The following WASHC3 variants were observed in gnomAD, a reference collection of about 807,000 sequenced individuals.
WASHC3 encodes the protein WASH complex subunit CCDC53.
WASHC3 carries 24 observed loss-of-function variants against 26.1 expected under a neutral mutation model. The observed-to-expected ratio is 0.92, with a 90% CI of 0.66 to 1.29. The LOEUF (loss-of-function observed/expected upper bound fraction) is 1.29. Ranked by LOEUF, WASHC3 falls within the 50% of genes most tolerant of loss-of-function variation. The probability of loss-of-function intolerance (pLI) is 0.00; values close to 1 mark genes in which losing one functional copy is unlikely to be tolerated. For missense variants in WASHC3, 214 were observed against 229.6 expected, an observed-to-expected ratio of 0.93 and a Z score of 0.44; for synonymous variants, 77 against 75.7, an observed-to-expected ratio of 1.02 and a Z score of -0.09.
At position 102,026,812 on chromosome 12, in the gene WASHC3, A is replaced by C. The variant is rs570944249; in HGVS notation, c.436-774T>G. Among the ~76,000 whole-genome samples, 55 of 152,330 alleles carry C rather than the reference A, an allele frequency of 3.6e-4. No individual in the cohort carries two copies. In the South Asian group the frequency reaches 0.011, roughly 31 times the overall value. Reference sequence around the variant, plus strand: ...AATCTCTGTCAACTCCCCTCTCTTCACACCATCCCCAAGGATAAGAAACAC... The same window carrying C: ...AATCTCTGTCAACTCCCCTCTCTTCCCACCATCCCCAAGGATAAGAAACAC... On this transcript the variant is annotated intron_variant, in intron 5 of 6. Transcript: ENST00000240079.
intron 2 of WASHC3, among the ~76,000 whole-genome samples, chr12:102,058,867 C>T (rs925788167): frequency 1.3e-5 from 2 of 152,012 alleles, no homozygotes; most frequent in African/African-American, 4.8e-5. Flanking sequence ...ACTATTTAGC[C>T]TTAAAAAAGA....
At chr12:102,018,518 G>C (rs1290541286) in intron 6 of WASHC3, among the ~76,000 whole-genome samples, 2 of 152,178 alleles carry the variant, frequency 1.3e-5, no homozygotes, top group East Asian at 1.9e-4. Flanking sequence ...TGTTGCCCAG[G>C]CTGGAGTGCA....
intron 6 of WASHC3, among the ~76,000 whole-genome samples, chr12:102,015,717 A>G (rs1325614716): frequency 6.6e-6 from 1 of 152,212 alleles, no homozygotes; most frequent in African/African-American, 2.4e-5. Context: ...TGAAGCAGCT[A>G]AAATTTTTGT....
At chr12:102,038,472 T>C (rs1156298910) in intron 5 of WASHC3, among the ~76,000 whole-genome samples, 2 of 152,192 alleles carry the variant, frequency 1.3e-5, no homozygotes, top group African/African-American at 4.8e-5. Context: ...ACATAAAAAA[T>C]CTTTCTGAGT....
chr12:102,056,118 A>G (rs948374843), intron 2 of WASHC3, among the ~76,000 whole-genome samples: 1 of 152,056 alleles, frequency 6.6e-6, no homozygotes, highest in African/African-American at 2.4e-5. Flanking sequence ...TAATAATCCC[A>G]TTGTTTTGAC....
chr12:102,039,227 C>T (rs1877829268), intron 5 of WASHC3, among the ~76,000 whole-genome samples: 1 of 150,498 alleles, frequency 6.6e-6, no homozygotes, highest in South Asian at 2.1e-4. Flanking sequence ...CCTCCCACCT[C>T]AGCCTCCCAA....
At chr12:102,043,380 C>T (rs557711301) in intron 4 of WASHC3, among the ~76,000 whole-genome samples, 8 of 152,204 alleles carry the variant, frequency 5.3e-5, no homozygotes, top group African/African-American at 1.7e-4. Flanking sequence ...AGTGATCCTC[C>T]CACCTCAGCC....
chr12:102,058,662 A>C (rs1878686660), intron 2 of WASHC3, among the ~76,000 whole-genome samples: 1 of 152,096 alleles, frequency 6.6e-6, no homozygotes, highest in South Asian at 2.1e-4. Flanking sequence ...CAAAAAATTA[A>C]AAATAGAACT....
chr12:102,017,665 C>T (rs1019860312), intron 6 of WASHC3: 2 of 339,494 alleles, frequency 5.9e-6, no homozygotes, highest in African/African-American at 4.4e-5. Context: ...TCTCTTTAAC[C>T]TTCCGAGGAA....
At chr12:102,061,538 G>C (rs1464701587) in intron 1 of WASHC3, among the ~76,000 whole-genome samples, 192 bp from the exon 2 acceptor site, 2 of 152,214 alleles carry the variant, frequency 1.3e-5, no homozygotes, top group Admixed American at 1.3e-4. Flanking sequence ...ACAAAAGTTT[G>C]AGAACAGGCT....
chr12:102,043,896 C>CT, intron 4 of WASHC3: 1 of 309,302 alleles, frequency 3.2e-6, no homozygotes, highest in South Asian at 7.5e-5. Flanking sequence ...GACTGATTTT[C>CT]TTTTTTACAG....
intron 5 of WASHC3, among the ~76,000 whole-genome samples, chr12:102,038,651 T>G (rs1226097704): frequency 6.6e-6 from 1 of 152,172 alleles, no homozygotes; most frequent in African/African-American, 2.4e-5. Context: ...GTTTTATTCT[T>G]GTTAATTAAA....
chr12:102,041,138 C>G (rs1056671307), intron 4 of WASHC3, among the ~76,000 whole-genome samples: 1 of 151,594 alleles, frequency 6.6e-6, no homozygotes, highest in Non-Finnish European at 1.5e-5. Flanking sequence ...CACACACACA[C>G]ATATTCATCT....
chr12:102,016,283 C>T (rs191244098), intron 6 of WASHC3, among the ~76,000 whole-genome samples: 7 of 152,084 alleles, frequency 4.6e-5, no homozygotes, highest in Admixed American at 2.6e-4. Context: ...TGGCTCACTG[C>T]AATCTCTACC....
chr12:102,054,927 A>C (rs1468344838), intron 2 of WASHC3, among the ~76,000 whole-genome samples: 1 of 152,222 alleles, frequency 6.6e-6, no homozygotes, highest in Admixed American at 6.5e-5. Context: ...GAGGAAAGGA[A>C]GCTTCGGCAG....
Position 102,012,967 on chromosome 12 carries a change from TA to T in WASHC3, c.*140del. 2.0e-6 allele frequency: 1 copy of T among 509,054 alleles called. No homozygotes were observed. The highest frequency in any genetic ancestry group is 3.1e-5 in the South Asian group (1 of 32,662). 31.5% of individuals were successfully genotyped at this position (509,054 alleles called of 1,614,324 possible). A position where few individuals can be genotyped will look rare whatever the true frequency, so the allele number is the denominator to read the frequency against. ...TGGCAGGTTAAAACTGCTTTATTATTATTTTTTTAACATAGAAGAAGCTTGG... is the reference window on the plus strand; with the variant it reads ...TGGCAGGTTAAAACTGCTTTATTATTTTTTTTTAACATAGAAGAAGCTTGG... On this transcript the variant is annotated 3_prime_UTR_variant, in exon 7 of 7. Coordinates refer to ENST00000240079, the MANE Select transcript of WASHC3 (RefSeq NM_016053.4).
intron 5 of WASHC3, among the ~76,000 whole-genome samples, chr12:102,026,457 A>G (rs1877194735): frequency 1.3e-5 from 2 of 152,184 alleles, no homozygotes; most frequent in African/African-American, 2.4e-5. Context: ...GTATAGCTAT[A>G]TTAATGTTCT....
At chr12:102,054,444 A>C (rs1878511742) in intron 2 of WASHC3, among the ~76,000 whole-genome samples, 1 of 152,196 alleles carries the variant, frequency 6.6e-6, no homozygotes. Flanking sequence ...TTGGGATGCC[A>C]AGGCGGGAGG....
intron 6 of WASHC3, among the ~76,000 whole-genome samples, chr12:102,015,198 A>T (rs11111131): frequency 6.6e-6 from 1 of 152,190 alleles, no homozygotes; most frequent in African/African-American, 2.4e-5. Context: ...TTGGAGGCTG[A>T]GGTGTATCAC....
Sources: gnomAD v4.1 joint callset for allele counts (sites outside exome capture counted in the v4.1 genomes callset) on GRCh38, gnomAD v4.1.1 for gene constraint, MANE v1.5 for transcripts, NCBI Gene and HGNC (gene_info 2026-07-23, HGNC 2026-07-21) for gene names.